CPZ: variants seen among roughly 807,000 people sequenced by gnomAD.
CPZ encodes carboxypeptidase Z.
A neutral mutation model predicts 61.8 loss-of-function variants in CPZ; 103 were observed. That is an observed-to-expected ratio of 1.67 (90% CI 1.42 to 1.96). The LOEUF (loss-of-function observed/expected upper bound fraction) is 1.96, where lower values mean the gene tolerates loss of function less well. CPZ is among the 30% of genes most tolerant of loss of function. The pLI, the probability that CPZ is intolerant of heterozygous loss-of-function variation, is 0.00. For synonymous variants in CPZ, 551 were observed against 373.7 expected (o/e 1.47, Z -5.47); for missense variants, 1,461 against 914.9 (o/e 1.60, Z -7.70).
intron 1 of CPZ, 30 bp from the exon 2 acceptor site, chr4:8,599,423 T>C (rs1212265446): frequency 1.9e-6 from 3 of 1,592,854 alleles, no homozygotes; most frequent in Middle Eastern, 1.7e-4. Flanking sequence ...GCGAGGCAGG[T>C]CCCTAACAGT....
At position 8,618,218 on chromosome 4, in the gene CPZ, C is replaced by G. The variant is rs113591082; in HGVS notation, c.1504-211C>G. 1,288 of 581,874 alleles carry G rather than the reference C, an allele frequency of 2.2e-3. 18 individuals carry two copies. Among genetic ancestry groups the G allele is most frequent in the African/African-American group, 0.022 (1,162 of 53,512 alleles). The allele number at this position is 581,874 out of a possible 1,614,324, so 36.0% of individuals were successfully genotyped here. ...GTCATTCAAAAGCCCAGAACGTGCTCGGGTCAATTGCCAGGGAGGAAACTG... is the reference window on the plus strand; with the variant it reads ...GTCATTCAAAAGCCCAGAACGTGCTGGGGTCAATTGCCAGGGAGGAAACTG... On this transcript the variant is annotated intron_variant, in intron 9 of 10. Coordinates refer to ENST00000360986, the MANE Select transcript of CPZ (RefSeq NM_001014447.3).
intron 2 of CPZ, 142 bp from the exon 3 acceptor site, chr4:8,600,981 T>G (rs961741318): frequency 7.1e-6 from 10 of 1,411,924 alleles, no homozygotes; most frequent in Non-Finnish European, 9.2e-6. Context: ...ACAGTAGCTG[T>G]TGTCCTGGTC....
At position 8,605,984 on chromosome 4, in the gene CPZ, C is replaced by G. The variant is rs759442100; in HGVS notation, c.710-5C>G. 1.9e-6 allele frequency: 3 copies of G among 1,611,188 alleles called. No individual in the cohort carries two copies. Among genetic ancestry groups the G allele is most frequent in the Non-Finnish European group, 1.7e-6 (2 of 1,177,594 alleles). ...GATGCCCCAAGTCTCTGTATTTGCCCCCAGTGGAGCCCGAGGTGAAGCTCA... is the reference window on the plus strand; with the variant it reads ...GATGCCCCAAGTCTCTGTATTTGCCGCCAGTGGAGCCCGAGGTGAAGCTCA... On this transcript the variant is annotated splice_polypyrimidine_tract_variant and splice_region_variant and intron_variant, in intron 4 of 10. Coordinates refer to ENST00000360986, the MANE Select transcript of CPZ (RefSeq NM_001014447.3).
chr4:8,614,358 G>A lies in CPZ; in HGVS notation c.1364-1G>A, dbSNP rs139636384. 17 of 1,612,828 alleles carry A rather than the reference G, an allele frequency of 1.1e-5. No individual in the cohort carries two copies. The highest frequency in any genetic ancestry group is 3.3e-5 in the South Asian group (3 of 90,898). ...ACGTCCCCGCTGTCTCTGTGCCACA[G>A]GCATGTCCGATTTCAACTACCTGCA... On this transcript the variant is annotated splice_acceptor_variant, in intron 8 of 10. Transcript: ENST00000360986. LOFTEE classifies it high-confidence loss of function.
Position 8,599,623 on chromosome 4 carries a change from C to T in CPZ, c.121+138C>T, listed in dbSNP as rs968125738. 5.4e-6 allele frequency: 8 copies of T among 1,482,584 alleles called. No individual in the cohort carries two copies. The African/African-American group carries it at 7.1e-5, about 13-fold the overall frequency. 91.8% of individuals were successfully genotyped at this position (1,482,584 alleles called of 1,614,324 possible). A position where few individuals can be genotyped will look rare whatever the true frequency, so the allele number is the denominator to read the frequency against. Reference sequence around the variant, plus strand: ...CACAGCCCATTAATCAAACTAGAACCCCCTCGTAAACAGCCAGAGAAAAAT... The same window carrying T: ...CACAGCCCATTAATCAAACTAGAACTCCCTCGTAAACAGCCAGAGAAAAAT... On this transcript the variant is annotated intron_variant, in intron 2 of 10. Transcript: ENST00000360986.
Position 8,614,443 on chromosome 4 carries a change from C to T in CPZ, c.1448C>T (p.Ala483Val). 2 of 1,614,010 alleles carry T rather than the reference C, an allele frequency of 1.2e-6. No homozygotes were observed. The highest frequency in any genetic ancestry group is 2.2e-5 in the South Asian group (2 of 91,072). The change falls in exon 9 of 11, where the codon GCC (alanine) becomes GTC (valine). Residue 483 changes from alanine to valine, a missense_variant. Physicochemically the swap from Ala to Val is moderately conservative, Grantham distance 64 (BLOSUM62 0). Coordinates refer to ENST00000360986, the MANE Select transcript of CPZ (RefSeq NM_001014447.3). ...TGTGTGAAGTTCCCCCCCGAGGAGG[C>T]CCTGTACATACTCTGGCAGCACAAC... Reference protein sequence around the residue: ...LGCVKFPPEEALYILWQHNKE... With the variant: ...LGCVKFPPEEVLYILWQHNKE...
At chr4:8,594,179 C>G (rs1485818280) in intron 1 of CPZ, among the ~76,000 whole-genome samples, 2 of 152,214 alleles carry the variant, frequency 1.3e-5, no homozygotes, top group African/African-American at 4.8e-5. Flanking sequence ...GCAAGTGTTT[C>G]TGGGAGAAAT....
chr4:8,610,316 G>C (rs1715546611), intron 7 of CPZ, among the ~76,000 whole-genome samples: 2 of 152,372 alleles, frequency 1.3e-5, no homozygotes, highest in East Asian at 1.9e-4. Context: ...GGTCAGGCCT[G>C]TGTTAGCCAG....
Position 8,619,510 on chromosome 4 carries a change from C to A in CPZ, c.1852C>A (p.Pro618Thr). ...SSLGEATEPD[P>T]LRARRQPSAD... The stretch of plus-strand genomic sequence containing the variant: ...TTTGGGGGAGGCCACGGAGCCCGAC[C>A]CGCTCCGGGCGCGCAGGCAGCCCTC... The change falls in exon 11 of 11, where the codon CCG becomes ACG. Residue 618 changes from proline to threonine, a missense_variant. By Grantham distance (38) the Pro-to-Thr change is conservative. Transcript: ENST00000360986. 1 of 1,599,542 alleles carries A rather than the reference C, an allele frequency of 6.3e-7. No homozygotes were observed.
intron 4 of CPZ, among the ~76,000 whole-genome samples, chr4:8,605,710 T>C (rs1026045257): frequency 6.7e-6 from 1 of 148,448 alleles, no homozygotes; most frequent in Non-Finnish European, 1.5e-5. Context: ...TACACAAACA[T>C]GAAGAGAGAC....
chr4:8,604,337 C>A (rs1258627905), intron 4 of CPZ, 149 bp downstream of exon 4: 5 of 670,092 alleles, frequency 7.5e-6, no homozygotes, highest in Non-Finnish European at 1.2e-5. Context: ...CCACGTCCCG[C>A]TGGGCATGTG....
chr4:8,601,303 G>A lies in CPZ; in HGVS notation c.302G>A (p.Gly101Asp). The change falls in exon 3 of 11, where the codon GGC becomes GAC. Residue 101 changes from glycine to aspartate, a missense_variant. Transcript: ENST00000360986. ...TGCAACCCGGACCTGCGGCTGCTGG[G>A]CTGTGCTGTGCTGGCCCCCCGGTGT... ...GQCNPDLRLL[G>D]CAVLAPRCEG... 6.2e-7 allele frequency: 1 copy of A among 1,612,294 alleles called. No homozygotes were observed.
Position 8,599,724 on chromosome 4 carries a change from C to A in CPZ, c.121+239C>A, listed in dbSNP as rs1254126696. ...CGGGCTATGCCCACCCCAGCCCCTG[C>A]AGAGATGTCCTCTCCATCCCTCTCC... On this transcript the variant is annotated intron_variant, in intron 2 of 10. Coordinates refer to ENST00000360986, the MANE Select transcript of CPZ (RefSeq NM_001014447.3). 3.0e-6 allele frequency: 3 copies of A among 993,942 alleles called. No individual in the cohort carries two copies. In the Admixed American group the frequency reaches 9.2e-5, roughly 30 times the overall value. The allele number at this position is 993,942 out of a possible 1,614,324, so 61.6% of individuals were successfully genotyped here.
rs2109326190 is a variant in CPZ, at chr4:8,606,793, G to A, written c.963G>A (p.Leu321=). 3.1e-6 allele frequency: 5 copies of A among 1,614,196 alleles called. No individual in the cohort carries two copies. The East Asian group carries it at 8.9e-5, about 29-fold the overall frequency. ...SGRQNAQNLD[L]NRNFPDLTSE... ...GGCAGAACGCGCAGAACCTGGATCT[G>A]AACCGAAATTTCCCGGACCTGACGT... Residue 321 remains leucine, a synonymous_variant, in exon 6 of 11, where the codon CTG becomes CTA. Coordinates refer to ENST00000360986, the MANE Select transcript of CPZ (RefSeq NM_001014447.3).
At chr4:8,619,002 A>T (rs1405896407) in intron 10 of CPZ, among the ~76,000 whole-genome samples, 2 of 151,994 alleles carry the variant, frequency 1.3e-5, no homozygotes, top group African/African-American at 4.8e-5. Context: ...GACTTTTGCT[A>T]ACTGTGGGGT....
chr4:8,614,634 G>C lies in CPZ; in HGVS notation c.1503+136G>C, dbSNP rs900484354. 3.8e-4 allele frequency: 345 copies of C among 905,112 alleles called. 1 individual carries two copies. Among genetic ancestry groups the C allele is most frequent in the Admixed American group, 8.9e-5 (3 of 33,840 alleles). 56.1% of individuals were successfully genotyped at this position (905,112 alleles called of 1,614,324 possible). Reference sequence around the variant, plus strand: ...TCCTTTTGCCACCACTTGTTTTGGGGTTAACTGTCCACCATGCACAACTTG... The same window carrying C: ...TCCTTTTGCCACCACTTGTTTTGGGCTTAACTGTCCACCATGCACAACTTG... On this transcript the variant is annotated intron_variant, in intron 9 of 10. Coordinates refer to ENST00000360986, the MANE Select transcript of CPZ (RefSeq NM_001014447.3).
At chr4:8,606,659 C>A in intron 5 of CPZ, 78 bp from the exon 6 acceptor site, 3 of 1,568,704 alleles carry the variant, frequency 1.9e-6, no homozygotes, top group Non-Finnish European at 1.8e-6. Flanking sequence ...TGACCCTCAG[C>A]CCAGCGTGAG....
At chr4:8,612,249 G>C (rs1057397742) in intron 8 of CPZ, 87 bp downstream of exon 8, 1 of 1,119,544 alleles carries the variant, frequency 8.9e-7, no homozygotes, top group African/African-American at 1.8e-5. Flanking sequence ...TCCACGGTCT[G>C]CTGCTGGGAT....
At chr4:8,618,893 G>C (rs551881320) in intron 10 of CPZ, among the ~76,000 whole-genome samples, 1 of 152,188 alleles carries the variant, frequency 6.6e-6, no homozygotes, top group Non-Finnish European at 1.5e-5. Context: ...AGCCCTGTGC[G>C]GGCTCTGGCT....
Sources: allele counts gnomAD v4.1 joint callset (sites outside exome capture counted in the v4.1 genomes callset), GRCh38; gene constraint gnomAD v4.1.1; transcripts MANE v1.5; gene names NCBI Gene and HGNC (gene_info 2026-07-23, HGNC 2026-07-21).